The following RFX7 variants were observed in gnomAD, a reference collection of about 807,000 sequenced individuals.
The protein encoded by RFX7 is regulatory factor X7, also known as DNA-binding protein RFX7.
In RFX7, 26 loss-of-function variants were observed where a neutral mutation model predicts 111.8. The ratio of observed to expected loss-of-function variants is 0.23; its 90% CI spans 0.17 to 0.32. The LOEUF (loss-of-function observed/expected upper bound fraction) is 0.32. Among genes scored for constraint, RFX7 ranks in the 10% least tolerant of loss-of-function variants. The pLI is 1.00. For synonymous variants in RFX7, 624 were observed against 624.4 expected (o/e 1.00, Z 0.01); for missense variants, 1,573 against 1,772.9 (o/e 0.89, Z 2.02).
intron 5 of RFX7, among the ~76,000 whole-genome samples, chr15:56,139,700 TAG>T (rs1161991363): frequency 6.6e-6 from 1 of 152,176 alleles, no homozygotes; most frequent in Non-Finnish European, 1.5e-5. Flanking sequence ...CTCTGGTTTT[TAG>T]AGTTTCCAGT....
chr15:56,217,053 G>A (rs141247480), intron 2 of RFX7, among the ~76,000 whole-genome samples: 75 of 152,104 alleles, frequency 4.9e-4, no homozygotes, highest in African/African-American at 1.7e-3. Flanking sequence ...AAAAAAATTA[G>A]AAAGAATAGT....
In RFX7 at chr15:56,092,312, T is replaced by C. The variant is rs2140507111; in HGVS notation, c.*1033A>G. The C allele has an allele frequency of 6.6e-6, 1 of 152,660 alleles. No homozygotes were observed. The highest frequency in any genetic ancestry group is 1.5e-5 in the Non-Finnish European group (1 of 67,944). 9.5% of individuals were successfully genotyped at this position (152,660 alleles called of 1,614,324 possible). A position where few individuals can be genotyped will look rare whatever the true frequency, so the allele number is the denominator to read the frequency against. ...TTTATGTTATCCTCCTTCCTGTTTT[T>C]CAAAGGGATCCTATGATCAAACTAC... On this transcript the variant is annotated 3_prime_UTR_variant, in exon 10 of 10. Transcript: ENST00000559447.
At chr15:56,138,717 T>G (rs1240133212) in intron 5 of RFX7, among the ~76,000 whole-genome samples, 3 of 152,234 alleles carry the variant, frequency 2.0e-5, no homozygotes, top group African/African-American at 7.2e-5. Context: ...GTCTTGATGG[T>G]CTTTACATTT....
intron 2 of RFX7, among the ~76,000 whole-genome samples, chr15:56,208,517 G>C (rs1446925200): frequency 6.6e-6 from 1 of 152,148 alleles, no homozygotes; most frequent in Non-Finnish European, 1.5e-5. Context: ...TTAAGAAAAA[G>C]TTATAAGGCA....
At chr15:56,235,278 C>T (rs147609792) in intron 2 of RFX7, among the ~76,000 whole-genome samples, 1,858 of 151,750 alleles carry the variant, frequency 0.012, 43 homozygotes, top group African/African-American at 0.041. Context: ...CAGGTTCAAG[C>T]GATTCTCCTG....
At chr15:56,233,473 A>G (rs1005203353) in intron 2 of RFX7, among the ~76,000 whole-genome samples, 9 of 152,310 alleles carry the variant, frequency 5.9e-5, no homozygotes, top group African/African-American at 2.2e-4. Flanking sequence ...CAGCCAAACC[A>G]TATCAGCAGT....
At chr15:56,224,152 TTAAAATTTTTG>T (rs1405721941) in intron 2 of RFX7, among the ~76,000 whole-genome samples, 1 of 152,092 alleles carries the variant, frequency 6.6e-6, no homozygotes. Flanking sequence ...GGCATTCACA[TTAAAATTTTTG>T]TAAAATTTTG....
intron 5 of RFX7, among the ~76,000 whole-genome samples, chr15:56,134,766 C>T (rs1243397547): frequency 3.3e-4 from 50 of 152,150 alleles, no homozygotes; most frequent in African/African-American, 1.1e-3. Context: ...CTATCCCTAC[C>T]GCCCTCCCCA....
chr15:56,130,146 T>G (rs2042193459), intron 5 of RFX7, among the ~76,000 whole-genome samples: 1 of 152,178 alleles, frequency 6.6e-6, no homozygotes, highest in South Asian at 2.1e-4. Flanking sequence ...AGAAATTTAC[T>G]CAGTTGAAGA....
In RFX7 at chr15:56,192,730, C is replaced by G. The variant is rs1879348; in HGVS notation, c.162-13427G>C. ...GATTCAAATGTCTTTCGGGTGGTCA[C>G]TGGTGTTTTAAAGACCTCTACAAAT... On this transcript the variant is annotated intron_variant, in intron 2 of 9. Transcript: ENST00000559447. 5.3e-4 allele frequency: 118 copies of G among 220,572 alleles called. No homozygotes were observed. The East Asian group carries it at 0.013, about 24-fold the overall frequency. 13.7% of individuals were successfully genotyped at this position (220,572 alleles called of 1,614,324 possible).
intron 5 of RFX7, among the ~76,000 whole-genome samples, chr15:56,130,758 T>A (rs946035194): frequency 6.6e-6 from 1 of 151,600 alleles, no homozygotes; most frequent in Non-Finnish European, 1.5e-5. Flanking sequence ...AAAAAATAAA[T>A]TAGGCTAAGT....
chr15:56,183,802 A>T (rs1469463251), intron 2 of RFX7, among the ~76,000 whole-genome samples: 3 of 151,314 alleles, frequency 2.0e-5, no homozygotes, highest in Non-Finnish European at 4.4e-5. Flanking sequence ...TTATAGGTTG[A>T]ATGGGAGAAG....
At chr15:56,136,123 T>A (rs2042299009) in intron 5 of RFX7, among the ~76,000 whole-genome samples, 1 of 152,108 alleles carries the variant, frequency 6.6e-6, no homozygotes, top group African/African-American at 2.4e-5. Context: ...CCGTATGAAC[T>A]TTAAAGTAGT....
chr15:56,208,323 C>T, intron 2 of RFX7, among the ~76,000 whole-genome samples: 1 of 152,108 alleles, frequency 6.6e-6, no homozygotes, highest in East Asian at 1.9e-4. Flanking sequence ...CATCCTGTTC[C>T]AAGTAAGGGG....
At chr15:56,233,865 A>G (rs185038607) in intron 2 of RFX7, among the ~76,000 whole-genome samples, 110 of 152,238 alleles carry the variant, frequency 7.2e-4, no homozygotes, top group Admixed American at 6.7e-3. Context: ...CTACTTGTAC[A>G]TCGAAACTTA....
intron 2 of RFX7, among the ~76,000 whole-genome samples, chr15:56,207,128 T>G (rs12591980): frequency 1.3e-5 from 2 of 152,102 alleles, no homozygotes; most frequent in African/African-American, 2.4e-5. Flanking sequence ...AATACATACA[T>G]GTACTATTAA....
In RFX7 at chr15:56,209,276, G is replaced by A. The variant is rs537769744; in HGVS notation, c.162-29973C>T. ...AGAAGGAGAGTGGAGTGAAACACTC[G>A]AGAGTGTCAAGAGAAAAAAAAAAAA... On this transcript the variant is annotated intron_variant, in intron 2 of 9. Transcript: ENST00000559447. Among the ~76,000 whole-genome samples, 241 of 150,634 alleles carry A rather than the reference G, an allele frequency of 1.6e-3. 1 individual carries two copies. Among genetic ancestry groups the A allele is most frequent in the African/African-American group, 5.6e-3 (230 of 41,168 alleles).
In RFX7 at chr15:56,087,980, TC is replaced by T; in HGVS notation, c.*5364del. The T allele has an allele frequency of 8.5e-6, 3 of 354,780 alleles. No homozygotes were observed. The highest frequency in any genetic ancestry group is 2.2e-5 in the South Asian group (1 of 44,972). 22.0% of individuals were successfully genotyped at this position (354,780 alleles called of 1,614,324 possible). A position where few individuals can be genotyped will look rare whatever the true frequency, so the allele number is the denominator to read the frequency against. On this transcript the variant is annotated 3_prime_UTR_variant, in exon 10 of 10. Coordinates refer to ENST00000559447, the MANE Select transcript of RFX7 (RefSeq NM_022841.7). The stretch of plus-strand genomic sequence containing the variant: ...TTTAAATCTTCATTCTCCTAATACA[TC>T]AGGGTATTTCTATGGAGAGAAGGGA...
chr15:56,217,498 T>G lies in RFX7; in HGVS notation c.161+25627A>C, dbSNP rs981148719. On this transcript the variant is annotated intron_variant, in intron 2 of 9. Coordinates refer to ENST00000559447, the MANE Select transcript of RFX7 (RefSeq NM_022841.7). Reference sequence around the variant, plus strand: ...CTTGAGAATGTCACATACTCTGAATTTGTGTGATTGCTTTCTCTTGATGTC... The same window carrying G: ...CTTGAGAATGTCACATACTCTGAATGTGTGTGATTGCTTTCTCTTGATGTC... Among the ~76,000 whole-genome samples, 3 of 152,198 alleles carry G rather than the reference T, an allele frequency of 2.0e-5. No individual in the cohort carries two copies. In the East Asian group the frequency reaches 5.8e-4, roughly 29 times the overall value.
Sources: gnomAD v4.1 joint callset for allele counts (sites outside exome capture counted in the v4.1 genomes callset) on GRCh38, gnomAD v4.1.1 for gene constraint, MANE v1.5 for transcripts, NCBI Gene and HGNC (gene_info 2026-07-23, HGNC 2026-07-21) for gene names.